The following TFAP2B variants were observed in gnomAD, a reference collection of about 807,000 sequenced individuals.
The protein encoded by TFAP2B is transcription factor AP-2-beta.
Under a neutral mutation model 44.3 loss-of-function variants are expected in TFAP2B, and 9 were observed. That is an observed-to-expected ratio of 0.20 (90% CI 0.12 to 0.35). The LOEUF is 0.35. TFAP2B is among the 10% of genes least tolerant of loss of function. The pLI is 1.00. For synonymous variants in TFAP2B, 270 were observed against 263.8 expected (o/e 1.02, Z -0.23); for missense variants, 509 against 600.0 (o/e 0.85, Z 1.59).
chr6:50,823,694 C>A lies in TFAP2B; in HGVS notation c.369C>A (p.Pro123=). The A allele has an allele frequency of 2.5e-6, 4 of 1,613,730 alleles. No individual in the cohort carries two copies. The highest frequency in any genetic ancestry group is 2.5e-6 in the Non-Finnish European group (3 of 1,179,832). ...EVGSEAGSLL[P]QPRAALPQLS... is the part of the protein sequence containing the mutation. ...GTTCGGAAGCCGGCTCTCTCCTGCC[C>A]CAGCCTCGGGCCGCCTTGCCCCAGC... The change falls in exon 2 of 7, where the codon CCC becomes CCA. Residue 123 remains proline (P), a synonymous_variant. Transcript: ENST00000393655.
At chr6:50,820,209 G>A (rs376006106) in intron 1 of TFAP2B, among the ~76,000 whole-genome samples, 2 of 152,240 alleles carry the variant, frequency 1.3e-5, no homozygotes, top group African/African-American at 4.8e-5. Flanking sequence ...GGGATGCAGA[G>A]GCTCCCCAAA....
chr6:50,833,471 A>G (rs998346432), intron 3 of TFAP2B, among the ~76,000 whole-genome samples: 5 of 152,162 alleles, frequency 3.3e-5, no homozygotes, highest in Non-Finnish European at 5.9e-5. Context: ...GAAAATGGAA[A>G]TATAGTCCAA....
In TFAP2B at chr6:50,828,695, C is replaced by G; in HGVS notation, c.601+16C>G. The G allele has an allele frequency of 1.2e-6, 2 of 1,613,842 alleles. No homozygotes were observed. The highest frequency in any genetic ancestry group is 1.1e-5 in the South Asian group (1 of 91,062). ...ATTAAAAAAGGTATGGATAATTCCCCCCAAAAAGTAAGCAAAGTTCTCTCA... is the reference window on the plus strand; with the variant it reads ...ATTAAAAAAGGTATGGATAATTCCCGCCAAAAAGTAAGCAAAGTTCTCTCA... On this transcript the variant is annotated intron_variant, in intron 3 of 6. Coordinates refer to ENST00000393655, the MANE Select transcript of TFAP2B (RefSeq NM_003221.4).
chr6:50,823,285 C>T (rs1249979560), intron 1 of TFAP2B, 122 bp from the exon 2 acceptor site: 1 of 878,786 alleles, frequency 1.1e-6, no homozygotes, highest in Non-Finnish European at 1.9e-6. Flanking sequence ...AAAAGCCGGG[C>T]TTCTCCATTT....
chr6:50,829,414 A>T (rs1461070492), intron 3 of TFAP2B, among the ~76,000 whole-genome samples: 2 of 152,140 alleles, frequency 1.3e-5, no homozygotes, highest in East Asian at 3.8e-4. Context: ...CAGCTGCTTA[A>T]TTTTTTCTGC....
intron 3 of TFAP2B, among the ~76,000 whole-genome samples, chr6:50,832,258 C>T (rs1762518177): frequency 6.6e-6 from 1 of 152,200 alleles, no homozygotes; most frequent in Non-Finnish European, 1.5e-5. Context: ...TCTTCTTCAA[C>T]ACTCCAAGTG....
chr6:50,825,844 G>A (rs1037217302), intron 2 of TFAP2B, among the ~76,000 whole-genome samples: 1 of 152,092 alleles, frequency 6.6e-6, no homozygotes, highest in Non-Finnish European at 1.5e-5. Context: ...GGAGGCCCAC[G>A]GGACCTTCTT....
intron 5 of TFAP2B, among the ~76,000 whole-genome samples, chr6:50,839,288 C>T (rs1207374896): frequency 6.6e-6 from 1 of 152,170 alleles, no homozygotes; most frequent in East Asian, 1.9e-4. Context: ...GGTTTTGTGA[C>T]TCCTTGTAAG....
In TFAP2B at chr6:50,836,138, G is replaced by C; in HGVS notation, c.679G>C (p.Gly227Arg). ...GFLGGMSVNT[G>R]EVFCSVPGRL... ...CCTGGGAGGCATGTCTGTCAACACC[G>C]GCGAGGTGTTTTGCTCCGTCCCAGG... Residue 227 changes from glycine (G) to arginine (R), a missense_variant, in exon 4 of 7, where the codon GGC becomes CGC. Coordinates refer to ENST00000393655, the MANE Select transcript of TFAP2B (RefSeq NM_003221.4). 6.2e-7 allele frequency: 1 copy of C among 1,614,086 alleles called. No homozygotes were observed. Among genetic ancestry groups the C allele is most frequent in the Non-Finnish European group, 8.5e-7 (1 of 1,180,016 alleles).
In TFAP2B at chr6:50,818,999, T is replaced by G. The variant is rs765975460; in HGVS notation, c.81+27T>G. The G allele has an allele frequency of 1.9e-6, 3 of 1,597,772 alleles. No individual in the cohort carries two copies. The South Asian group carries it at 3.3e-5, about 18-fold the overall frequency. ...TGAGTCGACACCCCCAGATGCACCT[T>G]AGAGCTTTGCAGATAGAGAATTTGA... On this transcript the variant is annotated intron_variant, in intron 1 of 6. Transcript: ENST00000393655.
At chr6:50,819,644 C>A (rs4628086) in intron 1 of TFAP2B, among the ~76,000 whole-genome samples, 26,344 of 152,248 alleles carry the variant, frequency 0.17, 2,807 homozygotes, top group African/African-American at 0.29. Context: ...ACGTTCAATG[C>A]GTACGGGTCT....
intron 6 of TFAP2B, among the ~76,000 whole-genome samples, chr6:50,840,921 G>C (rs1312835742): frequency 6.6e-6 from 1 of 152,204 alleles, no homozygotes; most frequent in Admixed American, 6.5e-5. Context: ...GGCCGGCTCA[G>C]GCCTGCAGTG....
At chr6:50,819,293 G>A (rs891712873) in intron 1 of TFAP2B, among the ~76,000 whole-genome samples, 3 of 137,534 alleles carry the variant, frequency 2.2e-5, no homozygotes, top group African/African-American at 7.9e-5. Context: ...ATGTGGGCAC[G>A]CTCTCAGAGA....
chr6:50,819,835 C>A lies in TFAP2B; in HGVS notation c.81+863C>A, dbSNP rs2857528. ...GAGGCGGACTAGGCGGACGAGGCGG[C>A]CGAGGCGGGCGAGGTGGGAGAGGCG... On this transcript the variant is annotated intron_variant, in intron 1 of 6. Transcript: ENST00000393655. 3.1e-3 allele frequency among the ~76,000 whole-genome samples: 467 copies of A among 151,400 alleles called. 3 individuals are homozygous for A. Among genetic ancestry groups the A allele is most frequent in the African/African-American group, 8.1e-3 (333 of 41,270 alleles).
chr6:50,841,731 C>A (rs1466202745), intron 6 of TFAP2B, among the ~76,000 whole-genome samples: 1 of 152,164 alleles, frequency 6.6e-6, no homozygotes, highest in Non-Finnish European at 1.5e-5. Context: ...TTGAACCCCA[C>A]AGGTGTTTCT....
chr6:50,825,905 G>A (rs1770489986), intron 2 of TFAP2B, among the ~76,000 whole-genome samples: 1 of 152,166 alleles, frequency 6.6e-6, no homozygotes, highest in South Asian at 2.1e-4. Flanking sequence ...TCCCTAGAGG[G>A]AAACAGCAAA....
intron 1 of TFAP2B, chr6:50,821,811 C>A: frequency 4.0e-6 from 1 of 250,610 alleles, no homozygotes; most frequent in African/African-American, 2.2e-5. Flanking sequence ...TGTAGGCAAG[C>A]GGAGGGAGGA....
intron 5 of TFAP2B, 101 bp downstream of exon 5, chr6:50,838,194 T>C: frequency 9.7e-7 from 1 of 1,028,254 alleles, no homozygotes; most frequent in Non-Finnish European, 1.5e-6. Context: ...ATCGTTGTGA[T>C]TGTTGTGCTC....
intron 6 of TFAP2B, 100 bp downstream of exon 6, chr6:50,840,397 G>T: frequency 4.7e-6 from 7 of 1,487,780 alleles, no homozygotes; most frequent in Non-Finnish European, 6.5e-6. Flanking sequence ...GAAGCCAGAG[G>T]GTTGTCTAGA....
Sources: gnomAD v4.1 joint callset for allele counts (sites outside exome capture counted in the v4.1 genomes callset) on GRCh38, gnomAD v4.1.1 for gene constraint, MANE v1.5 for transcripts, NCBI Gene and HGNC (gene_info 2026-07-23, HGNC 2026-07-21) for gene names.